Variants in HYLS1 observed in about 807,000 individuals in gnomAD.
HYLS1 encodes HYLS1 centriolar and ciliogenesis associated.
HYLS1 carries 25 observed loss-of-function variants against 29.4 expected under a neutral mutation model. The observed-to-expected ratio is 0.85, with a 90% confidence interval of 0.62 to 1.19. The LOEUF (loss-of-function observed/expected upper bound fraction) is 1.19. Among genes scored for constraint, HYLS1 ranks in the 50% most tolerant of loss-of-function variants. HYLS1 has a pLI of 0.00. For synonymous variants in HYLS1, 128 were observed against 126.7 expected (o/e 1.01, Z -0.07); for missense variants, 352 against 365.1 (o/e 0.96, Z 0.29).
upstream of HYLS1, among the ~76,000 whole-genome samples, chr11:125,886,749 T>G (rs1016462204): frequency 6.3e-4 from 96 of 151,312 alleles, no homozygotes; most frequent in Middle Eastern, 3.4e-3. Flanking sequence ...CCATCTCTAC[T>G]AAAAATACAA....
chr11:125,900,404 C>T lies in HYLS1; in HGVS notation c.*136C>T. ...AGGACTTCACCTATCATTGGTCTTTCCTAGCTATATATCACATTGGTATCA... is the reference window on the plus strand; with the variant it reads ...AGGACTTCACCTATCATTGGTCTTTTCTAGCTATATATCACATTGGTATCA... On this transcript the variant is annotated 3_prime_UTR_variant, in exon 3 of 3. Transcript: ENST00000425380. 1.3e-6 allele frequency: 1 copy of T among 793,438 alleles called. No individual in the cohort carries two copies. The highest frequency in any genetic ancestry group is 2.1e-6 in the Non-Finnish European group (1 of 478,874). 49.1% of individuals were successfully genotyped at this position (793,438 alleles called of 1,614,324 possible). A position where few individuals can be genotyped will look rare whatever the true frequency, so the allele number is the denominator to read the frequency against.
chr11:125,886,657 C>T (rs1944310180), upstream of HYLS1, among the ~76,000 whole-genome samples: 1 of 144,384 alleles, frequency 6.9e-6, no homozygotes, highest in Non-Finnish European at 1.5e-5. Flanking sequence ...AAATTAGTGG[C>T]TGGGCACAGA....
Position 125,891,472 on chromosome 11 carries a change from G to A in HYLS1, c.-26G>A, listed in dbSNP as rs1944406266. The A allele has an allele frequency of 3.2e-5, 3 of 94,202 alleles. No individual in the cohort carries two copies. Among genetic ancestry groups the A allele is most frequent in the Non-Finnish European group, 6.2e-5 (3 of 48,538 alleles). 5.8% of individuals were successfully genotyped at this position (94,202 alleles called of 1,614,324 possible). A position where few individuals can be genotyped will look rare whatever the true frequency, so the allele number is the denominator to read the frequency against. ...TACCAATCAAGATACATTGAAATAA[G>A]GTAAGAAATTGAAAAAAAAAAAAAA... On this transcript the variant is annotated splice_region_variant and 5_prime_UTR_variant, in exon 2 of 3. Transcript: ENST00000425380.
chr11:125,898,517 A>C (rs499104), intron 2 of HYLS1, among the ~76,000 whole-genome samples: 40,912 of 151,882 alleles, frequency 0.27, 5,508 homozygotes, highest in East Asian at 0.35. Context: ...TCTACTAAAA[A>C]TTCAAAAATT....
chr11:125,886,413 C>G (rs1436211181), upstream of HYLS1, among the ~76,000 whole-genome samples: 1 of 152,090 alleles, frequency 6.6e-6, no homozygotes, highest in Non-Finnish European at 1.5e-5. Flanking sequence ...GTAAGATGAA[C>G]TTGACAACTA....
In HYLS1 at chr11:125,899,468, C is replaced by T. The variant is rs1314229598; in HGVS notation, c.100C>T (p.Gln34Ter). Residue 34 changes from glutamine (Q) to a stop codon, truncating the protein, a stop_gained, in exon 3 of 3, where the codon CAG becomes TAG. Transcript: ENST00000425380. LOFTEE classifies it high-confidence loss of function. ...ATAFTHICAGQGEGDVRREAQ... is the reference protein window; with the variant it reads ...ATAFTHICAG ...AGCTTTTACCCACATCTGTGCAGGG[C>T]AGGGTGAAGGAGATGTCAGGAGAGA... The T allele has an allele frequency of 6.2e-7, 1 of 1,614,130 alleles. No homozygotes were observed. Among genetic ancestry groups the T allele is most frequent in the African/African-American group, 1.3e-5 (1 of 75,046 alleles).
At chr11:125,890,054 T>G (rs542356203) in intron 1 of HYLS1, among the ~76,000 whole-genome samples, 91 of 152,242 alleles carry the variant, frequency 6.0e-4, no homozygotes, top group Non-Finnish European at 1.2e-3. Flanking sequence ...TCCTCTTGCT[T>G]CAGCCCCCAT....
chr11:125,890,259 A>G (rs1944387176), intron 1 of HYLS1, among the ~76,000 whole-genome samples: 1 of 151,510 alleles, frequency 6.6e-6, no homozygotes, highest in Non-Finnish European at 1.5e-5. Flanking sequence ...GTTAGTTATT[A>G]TTCGTTTGGT....
chr11:125,899,261 G>A, intron 2 of HYLS1, 83 bp from the exon 3 acceptor site: 1 of 926,904 alleles, frequency 1.1e-6, no homozygotes, highest in Non-Finnish European at 1.7e-6. Context: ...CCATTTGACT[G>A]CTATAAAACG....
intron 2 of HYLS1, chr11:125,894,253 G>A (rs1255795566): frequency 6.2e-7 from 1 of 1,611,948 alleles, no homozygotes; most frequent in Non-Finnish European, 8.5e-7. Flanking sequence ...CAAACTTACA[G>A]TCATATAAGA....
rs1397135850 is a variant in HYLS1 at position 125,895,227 on chromosome 11, T to C, written c.-26+3755T>C. 12 of 1,581,432 alleles carry C rather than the reference T, an allele frequency of 7.6e-6. No individual in the cohort carries two copies. The highest frequency in any genetic ancestry group is 1.0e-5 in the Non-Finnish European group (12 of 1,167,194). On this transcript the variant is annotated intron_variant, in intron 2 of 2. Transcript: ENST00000425380. ...TTATTTTTTATTTTTAACTCACCTA[T>C]ATTGAGGCTTTTGGGGATTTTTCTC... is the stretch of plus-strand genomic sequence containing the variant.
chr11:125,893,623 A>C (rs1944474319), intron 2 of HYLS1: 2 of 564,556 alleles, frequency 3.5e-6, no homozygotes, highest in East Asian at 6.1e-5. Flanking sequence ...ATTTCTTATT[A>C]AAGCAATAAC....
chr11:125,886,359 A>G (rs983656551), upstream of HYLS1, among the ~76,000 whole-genome samples: 4 of 152,320 alleles, frequency 2.6e-5, no homozygotes, highest in African/African-American at 9.6e-5. Context: ...GAAAAGGATT[A>G]AACATTTCTC....
At chr11:125,886,847 G>A (rs547177830), upstream of HYLS1, among the ~76,000 whole-genome samples, 7 of 142,352 alleles carry the variant, frequency 4.9e-5, no homozygotes, top group South Asian at 2.2e-4. Context: ...GGAGGCAGAG[G>A]TTACAGAGAG....
chr11:125,896,598 T>C (rs551740550), intron 2 of HYLS1, among the ~76,000 whole-genome samples: 3 of 152,324 alleles, frequency 2.0e-5, no homozygotes, highest in East Asian at 3.9e-4. Context: ...AGAATGTCTA[T>C]AGATTTCATT....
intron 2 of HYLS1, chr11:125,895,263 AG>A: frequency 6.2e-7 from 1 of 1,605,712 alleles, no homozygotes; most frequent in Non-Finnish European, 8.5e-7. Flanking sequence ...TATATTCAGC[AG>A]CTCATCAATA....
intron 2 of HYLS1, chr11:125,893,431 A>G: frequency 5.9e-6 from 1 of 168,566 alleles, no homozygotes; most frequent in Non-Finnish European, 1.3e-5. Flanking sequence ...ATGAAAATTC[A>G]GATGAGTAGT....
chr11:125,893,699 T>A, intron 2 of HYLS1: 3 of 1,064,584 alleles, frequency 2.8e-6, no homozygotes, highest in Non-Finnish European at 3.9e-6. Context: ...TCTGAATTCC[T>A]AGTACTTGCA....
intron 2 of HYLS1, chr11:125,895,925 T>C: frequency 6.2e-7 from 1 of 1,613,328 alleles, no homozygotes; most frequent in Non-Finnish European, 8.5e-7. Context: ...AGGCACTAAC[T>C]CCTTTATCTG....
Sources: allele counts gnomAD v4.1 joint callset (sites outside exome capture counted in the v4.1 genomes callset), GRCh38; gene constraint gnomAD v4.1.1; transcripts MANE v1.5; gene names NCBI Gene and HGNC (gene_info 2026-07-23, HGNC 2026-07-21).